Variants in NELL1 observed in about 807,000 individuals in gnomAD.
NELL1 encodes the protein neural EGFL like 1.
NELL1 carries 76 observed loss-of-function variants against 107.4 expected under a neutral mutation model. The observed-to-expected ratio is 0.71, with a 90% CI of 0.59 to 0.86. The LOEUF (loss-of-function observed/expected upper bound fraction) is 0.86, where lower values mean the gene tolerates loss of function less well. NELL1 is among the 40% of genes least tolerant of loss of function. The pLI is 0.00. For missense variants in NELL1, 1,024 were observed against 1,005.5 expected (o/e 1.02, Z -0.25); for synonymous variants, 353 against 341.2 (o/e 1.03, Z -0.38).
chr11:21,470,987 CTT>C (rs751706920), intron 15 of NELL1, among the ~76,000 whole-genome samples: 2 of 152,092 alleles, frequency 1.3e-5, no homozygotes, highest in Non-Finnish European at 2.9e-5. Context: ...ATAATAGTCA[CTT>C]ATAAATATTG....
At chr11:20,755,960 T>G (rs1258383258) in intron 2 of NELL1, among the ~76,000 whole-genome samples, 1 of 144,600 alleles carries the variant, frequency 6.9e-6, no homozygotes, top group Non-Finnish European at 1.5e-5. Context: ...TGGCGTGATC[T>G]CGGCTCACTG....
At chr11:20,900,141 G>A (rs975687860) in intron 5 of NELL1, among the ~76,000 whole-genome samples, 6 of 152,144 alleles carry the variant, frequency 3.9e-5, no homozygotes, top group Non-Finnish European at 5.9e-5. Context: ...GGGCCTAGTT[G>A]TACTAGGCCT....
chr11:21,057,164 G>T (rs2134356509), intron 12 of NELL1, among the ~76,000 whole-genome samples: 1 of 152,018 alleles, frequency 6.6e-6, no homozygotes, highest in South Asian at 2.1e-4. Context: ...TTTTAAAAAT[G>T]GGGCAAAACA....
chr11:20,806,725 T>TTTTA (rs529860317), intron 3 of NELL1, among the ~76,000 whole-genome samples: 142 of 152,190 alleles, frequency 9.3e-4, no homozygotes, highest in African/African-American at 2.5e-3. Flanking sequence ...CTTCATAGTG[T>TTTTA]TTTATTTATT....
chr11:21,180,315 T>A (rs1461116850), intron 13 of NELL1, among the ~76,000 whole-genome samples: 1 of 151,742 alleles, frequency 6.6e-6, no homozygotes, highest in Non-Finnish European at 1.5e-5. Flanking sequence ...AATCAGCGGG[T>A]GTTAATTGGA....
chr11:21,007,401 A>T (rs985646173), intron 12 of NELL1, among the ~76,000 whole-genome samples: 4 of 152,016 alleles, frequency 2.6e-5, no homozygotes, highest in Non-Finnish European at 4.4e-5. Context: ...ACACACACAC[A>T]CACACACACA....
At chr11:21,008,892 A>C (rs904284485) in intron 12 of NELL1, among the ~76,000 whole-genome samples, 1 of 152,124 alleles carries the variant, frequency 6.6e-6, no homozygotes, top group Non-Finnish European at 1.5e-5. Context: ...GGAGAAGAAG[A>C]AGCTTCTAAA....
At chr11:21,434,913 CTTAG>C (rs990734816) in intron 15 of NELL1, among the ~76,000 whole-genome samples, 4 of 151,600 alleles carry the variant, frequency 2.6e-5, no homozygotes, top group Non-Finnish European at 4.4e-5. Context: ...TACATTTATT[CTTAG>C]TTATTTTAAT....
At chr11:21,291,391 A>G in intron 14 of NELL1, among the ~76,000 whole-genome samples, 1 of 31,608 alleles carries the variant, frequency 3.2e-5, no homozygotes, top group East Asian at 5.8e-4. Flanking sequence ...AGAAAGCAGA[A>G]TAGATCAATA....
At chr11:20,729,051 AT>A (rs558744392) in intron 2 of NELL1, among the ~76,000 whole-genome samples, 4 of 151,706 alleles carry the variant, frequency 2.6e-5, no homozygotes, top group South Asian at 4.2e-4. Context: ...TAGGTATTTT[AT>A]TTTTTTTATG....
intron 12 of NELL1, among the ~76,000 whole-genome samples, chr11:21,095,699 C>T (rs112958329): frequency 6.6e-6 from 1 of 152,208 alleles, no homozygotes; most frequent in East Asian, 1.9e-4. Context: ...CAGCCTCCAC[C>T]TCCTGGGTTC....
At chr11:20,695,978 G>A (rs1317984785) in intron 2 of NELL1, among the ~76,000 whole-genome samples, 1 of 151,890 alleles carries the variant, frequency 6.6e-6, no homozygotes, top group Non-Finnish European at 1.5e-5. Flanking sequence ...GTTTGTTCAG[G>A]GGTTCAATTC....
intron 4 of NELL1, among the ~76,000 whole-genome samples, chr11:20,884,960 A>G (rs1390642387): frequency 6.6e-6 from 1 of 152,202 alleles, no homozygotes; most frequent in Non-Finnish European, 1.5e-5. Flanking sequence ...GGGTTCTCTC[A>G]GGTTACTGCA....
intron 1 of NELL1, among the ~76,000 whole-genome samples, chr11:20,675,117 T>C (rs1854021029): frequency 6.6e-6 from 1 of 152,168 alleles, no homozygotes; most frequent in South Asian, 2.1e-4. Flanking sequence ...GTTCTTATCA[T>C]GATGTGGAAG....
intron 15 of NELL1, among the ~76,000 whole-genome samples, chr11:21,465,047 A>G (rs181495431): frequency 9.9e-5 from 15 of 152,236 alleles, no homozygotes; most frequent in South Asian, 6.2e-4. Flanking sequence ...GTCTGATACA[A>G]TGAGGCTCCC....
At position 20,932,523 on chromosome 11, in the gene NELL1, C is replaced by T. The variant is rs1339583177; in HGVS notation, c.997+4044C>T. 2.6e-5 allele frequency among the ~76,000 whole-genome samples: 4 copies of T among 152,192 alleles called. No homozygotes were observed. In the East Asian group the frequency reaches 7.7e-4, roughly 29 times the overall value. ...GTAATCCCTACCGAGGTCCTTCTGC[C>T]AAACACTTTGTCAGTTCTGGGGGCA... On this transcript the variant is annotated intron_variant, in intron 9 of 19. Coordinates refer to ENST00000357134, the MANE Select transcript of NELL1 (RefSeq NM_006157.5).
intron 14 of NELL1, among the ~76,000 whole-genome samples, chr11:21,270,206 C>A (rs1237471556): frequency 6.6e-6 from 1 of 151,966 alleles, no homozygotes; most frequent in Non-Finnish European, 1.5e-5. Context: ...CTTGTGTCAA[C>A]AATCAGTGGT....
chr11:21,347,912 G>C (rs1252589199), intron 14 of NELL1, among the ~76,000 whole-genome samples: 1 of 152,128 alleles, frequency 6.6e-6, no homozygotes, highest in Admixed American at 6.5e-5. Context: ...AGGGGCGCAT[G>C]TCTGATTTGA....
intron 4 of NELL1, among the ~76,000 whole-genome samples, chr11:20,866,533 GC>G (rs1480769671): frequency 6.6e-6 from 1 of 152,164 alleles, no homozygotes; most frequent in Non-Finnish European, 1.5e-5. Context: ...CCAATTTCTG[GC>G]CTTTTGTTTT....
Sources: gnomAD v4.1 joint callset for allele counts (sites outside exome capture counted in the v4.1 genomes callset) on GRCh38, gnomAD v4.1.1 for gene constraint, MANE v1.5 for transcripts, NCBI Gene and HGNC (gene_info 2026-07-23, HGNC 2026-07-21) for gene names.